Variants in PCDH7 observed in about 807,000 individuals in gnomAD.
PCDH7 encodes the protein protocadherin 7.
Under a neutral mutation model 58.9 loss-of-function variants are expected in PCDH7, and 17 were observed. That is an observed-to-expected ratio of 0.29 (90% CI 0.20 to 0.43). The LOEUF is 0.43. Ranked by LOEUF, PCDH7 falls within the 20% of genes least tolerant of loss-of-function variation. PCDH7 has a pLI of 1.00. For missense variants in PCDH7, 1,274 were observed against 1,441.0 expected (o/e 0.88, Z 1.88); for synonymous variants, 664 against 616.4 (o/e 1.08, Z -1.14).
chr4:30,985,525 C>T (rs980597633), intron 3 of PCDH7, among the ~76,000 whole-genome samples: 1 of 152,034 alleles, frequency 6.6e-6, no homozygotes, highest in East Asian at 1.9e-4. Flanking sequence ...AGTCAACTTA[C>T]TAATTTTGTG....
At chr4:30,814,672 T>C (rs1727446329) in intron 1 of PCDH7, among the ~76,000 whole-genome samples, 1 of 152,142 alleles carries the variant, frequency 6.6e-6, no homozygotes, top group African/African-American at 2.4e-5. Flanking sequence ...TACAAAGATA[T>C]GGAAACAAAT....
At chr4:30,935,184 A>G (rs1054851965) in intron 2 of PCDH7, 2 of 167,062 alleles carry the variant, frequency 1.2e-5, no homozygotes, top group South Asian at 2.0e-4. Context: ...TTACTTTACT[A>G]TATTGAGTTA....
At chr4:30,992,579 C>A (rs996163790) in intron 3 of PCDH7, among the ~76,000 whole-genome samples, 3 of 152,070 alleles carry the variant, frequency 2.0e-5, no homozygotes, top group Non-Finnish European at 4.4e-5. Context: ...GGGCTAATTT[C>A]TTTAATGTAG....
chr4:30,723,989 G>A lies in PCDH7; in HGVS notation c.2567G>A (p.Ser856Asn). 1 of 1,614,180 alleles carries A rather than the reference G, an allele frequency of 6.2e-7. No homozygotes were observed. Among genetic ancestry groups the A allele is most frequent in the Non-Finnish European group, 8.5e-7 (1 of 1,180,034 alleles). Reference sequence around the variant, plus strand: ...GCGATTGACTCCCAGATAGCTAGAAGTTTGCACATCCCACTCACCCAGGAT... The same window carrying A: ...GCGATTGACTCCCAGATAGCTAGAAATTTGCACATCCCACTCACCCAGGAT... The change falls in exon 1 of 2, where the codon AGT becomes AAT. Residue 856 changes from serine to asparagine, a missense_variant. Ser to Asn is a conservative substitution (Grantham distance 46, BLOSUM62 1). Transcript: ENST00000361762. The surrounding 1 kb of genome is among the most constrained non-coding windows in gnomAD (Gnocchi z 4.6).
chr4:30,830,679 GT>G (rs1729661613), intron 1 of PCDH7, among the ~76,000 whole-genome samples: 1 of 151,876 alleles, frequency 6.6e-6, no homozygotes, highest in Non-Finnish European at 1.5e-5. Flanking sequence ...GATTTGGGAG[GT>G]CATTGTGGTT....
intron 3 of PCDH7, among the ~76,000 whole-genome samples, chr4:31,063,492 A>AATT (rs1463287718): frequency 1.3e-5 from 2 of 151,568 alleles, no homozygotes; most frequent in African/African-American, 2.4e-5. Context: ...AAATAATGGT[A>AATT]ATTATTATTA....
rs763307703 is a variant in PCDH7, at chr4:30,722,604, C to T, written c.1182C>T (p.Pro394=). The change falls in exon 1 of 2, where the codon CCC becomes CCT. Residue 394 remains proline, a synonymous_variant. Coordinates refer to ENST00000361762, the Ensembl canonical transcript of PCDH7. This position sits in a 1 kb window ranked among gnomAD's most constrained non-coding sequence, Gnocchi z 7.6. ...TGGCCCGCGACCGCGGGCAGCCCCC[C>T]AAGACCGACAAGGCCACCGTGGTCC... is the stretch of plus-strand genomic sequence containing the variant. The T allele has an allele frequency of 1.2e-6, 2 of 1,613,240 alleles. 1 individual carries two copies. The highest frequency in any genetic ancestry group is 2.2e-5 in the South Asian group (2 of 91,086).
downstream of PCDH7, chr4:31,144,654 T>G (rs1219869958): frequency 1.3e-5 from 2 of 152,148 alleles, no homozygotes; most frequent in African/African-American, 4.8e-5. Context: ...GATAATTCAC[T>G]ATAGGTCTTC....
chr4:30,780,681 T>G (rs1239870105), intron 1 of PCDH7, among the ~76,000 whole-genome samples: 1 of 152,214 alleles, frequency 6.6e-6, no homozygotes, highest in Non-Finnish European at 1.5e-5. Context: ...AGTTGTTTTA[T>G]TTGAATACTC....
intron 1 of PCDH7, among the ~76,000 whole-genome samples, chr4:30,906,113 T>G (rs535494783): frequency 6.6e-6 from 1 of 152,312 alleles, no homozygotes; most frequent in African/African-American, 2.4e-5. Context: ...GCATATTTTG[T>G]GATATTCCAA....
At chr4:30,957,093 T>C (rs962459504) in intron 3 of PCDH7, among the ~76,000 whole-genome samples, 5 of 152,120 alleles carry the variant, frequency 3.3e-5, no homozygotes, top group Non-Finnish European at 7.4e-5. Context: ...AATATGAGCT[T>C]ATCACCACCA....
In PCDH7 at chr4:30,755,229, T is replaced by G. The variant is rs78566716; in HGVS notation, c.70+30633T>G. ...TTACATGTGCTTGATCTTAGAAATT[T>G]AAACAACTCAAGTGTTTGAAAAATT... is the stretch of plus-strand genomic sequence containing the variant. On this transcript the variant is annotated intron_variant, in intron 1 of 3. Transcript: ENST00000509759. 1.2e-3 allele frequency among the ~76,000 whole-genome samples: 187 copies of G among 152,356 alleles called. 2 individuals are homozygous for G. The East Asian group carries it at 0.032, about 26-fold the overall frequency.
intron 3 of PCDH7, among the ~76,000 whole-genome samples, chr4:31,015,487 A>T (rs1195272707): frequency 6.6e-6 from 1 of 152,192 alleles, no homozygotes. Flanking sequence ...AAGAATTGCC[A>T]TGAAAATACA....
chr4:30,908,865 C>G (rs1292745950), intron 1 of PCDH7, among the ~76,000 whole-genome samples: 1 of 152,136 alleles, frequency 6.6e-6, no homozygotes, highest in African/African-American at 2.4e-5. Context: ...CAAAAGCTGG[C>G]AGAGACACAG....
At chr4:31,029,109 A>G (rs1754683108) in intron 3 of PCDH7, among the ~76,000 whole-genome samples, 1 of 152,214 alleles carries the variant, frequency 6.6e-6, no homozygotes, top group Non-Finnish European at 1.5e-5. Flanking sequence ...GGCCTTGTTA[A>G]TCATTTCTTT....
At chr4:31,136,838 T>C (rs1366118853) in intron 3 of PCDH7, among the ~76,000 whole-genome samples, 1 of 152,184 alleles carries the variant, frequency 6.6e-6, no homozygotes, top group Admixed American at 6.5e-5. Flanking sequence ...TTGGATCTTG[T>C]CTCCTCACCT....
At chr4:30,892,751 A>C (rs1738791968) in intron 1 of PCDH7, among the ~76,000 whole-genome samples, 1 of 152,042 alleles carries the variant, frequency 6.6e-6, no homozygotes, top group Non-Finnish European at 1.5e-5. Context: ...GGGGTATTGA[A>C]TGTCATGCTT....
Position 30,815,652 on chromosome 4 carries a change from G to A in PCDH7, c.70+91056G>A, listed in dbSNP as rs182379874. Among the ~76,000 whole-genome samples, 17 of 152,266 alleles carry A rather than the reference G, an allele frequency of 1.1e-4. 1 individual carries two copies. Among genetic ancestry groups the A allele is most frequent in the East Asian group, 5.8e-4 (3 of 5,168 alleles). On this transcript the variant is annotated intron_variant, in intron 1 of 3. Transcript: ENST00000509759. ...GGCGTTTATCCATTACCAGTTGAGC[G>A]TTCCTAAAGGAAGATCATACACCAG...
intron 1 of PCDH7, among the ~76,000 whole-genome samples, chr4:30,739,149 TTA>T (rs916929733): frequency 2.7e-5 from 4 of 146,418 alleles, no homozygotes; most frequent in Admixed American, 6.9e-5. Flanking sequence ...TATATATATT[TTA>T]TATATATATT....
Sources: allele counts gnomAD v4.1 joint callset (sites outside exome capture counted in the v4.1 genomes callset), GRCh38; gene constraint gnomAD v4.1.1; non-coding constraint Gnocchi (gnomAD v3.1); transcripts MANE v1.5; gene names NCBI Gene and HGNC (gene_info 2026-07-23, HGNC 2026-07-21).